The following CNTLN variants were observed in gnomAD, a reference collection of about 807,000 sequenced individuals.
CNTLN encodes the protein centlein, centrosomal protein.
A neutral mutation model predicts 180.0 loss-of-function variants in CNTLN; 212 were observed. The ratio of observed to expected loss-of-function variants is 1.18; its 90% CI spans 1.05 to 1.32. The LOEUF (loss-of-function observed/expected upper bound fraction) is 1.32, where lower values mean the gene tolerates loss of function less well. CNTLN is among the 40% of genes most tolerant of loss of function. CNTLN has a pLI of 0.00. For missense variants in CNTLN, 2,095 were observed against 1,610.9 expected (o/e 1.30, Z -5.14); for synonymous variants, 722 against 563.1 (o/e 1.28, Z -3.99).
intron 6 of CNTLN, among the ~76,000 whole-genome samples, chr9:17,278,362 C>G (rs1828449882): frequency 6.6e-6 from 1 of 152,000 alleles, no homozygotes; most frequent in Non-Finnish European, 1.5e-5. Flanking sequence ...CTTATTTTTT[C>G]TTTGGTATGT....
At chr9:17,340,566 G>T (rs1779861254) in intron 10 of CNTLN, among the ~76,000 whole-genome samples, 3 of 152,134 alleles carry the variant, frequency 2.0e-5, no homozygotes, top group Non-Finnish European at 4.4e-5. Context: ...AACAGGGAAA[G>T]GAGTGAAACT....
intron 18 of CNTLN, among the ~76,000 whole-genome samples, chr9:17,435,955 T>A (rs1004816587): frequency 3.3e-5 from 5 of 152,128 alleles, no homozygotes; most frequent in African/African-American, 1.2e-4. Context: ...TATTTCCAGA[T>A]CTTTATATTA....
At chr9:17,486,553 G>A (rs886426696) in intron 24 of CNTLN, among the ~76,000 whole-genome samples, 11 of 152,168 alleles carry the variant, frequency 7.2e-5, no homozygotes, top group African/African-American at 2.6e-4. Context: ...CCGGAGTCAT[G>A]CCATGTTCTA....
intron 25 of CNTLN, among the ~76,000 whole-genome samples, chr9:17,489,401 AT>A (rs902558561): frequency 9.2e-5 from 14 of 151,960 alleles, no homozygotes; most frequent in Non-Finnish European, 2.1e-4. Flanking sequence ...TCCAATGTTG[AT>A]TTTTTTATTC....
At chr9:17,434,225 A>G (rs1009010200) in intron 18 of CNTLN, among the ~76,000 whole-genome samples, 1 of 151,612 alleles carries the variant, frequency 6.6e-6, no homozygotes, top group Admixed American at 6.6e-5. Flanking sequence ...TTGTTTTTCT[A>G]TTGTCAGTTT....
intron 12 of CNTLN, among the ~76,000 whole-genome samples, chr9:17,345,465 T>G (rs1821805176): frequency 6.6e-6 from 1 of 152,026 alleles, no homozygotes; most frequent in Admixed American, 6.6e-5. Flanking sequence ...TTCATATGGG[T>G]TACTTAAGCT....
intron 12 of CNTLN, among the ~76,000 whole-genome samples, chr9:17,351,751 C>G (rs969980757): frequency 6.6e-6 from 1 of 152,192 alleles, no homozygotes; most frequent in East Asian, 1.9e-4. Context: ...CTATTTTCAA[C>G]AGTGCTGCAG....
intron 7 of CNTLN, chr9:17,301,586 T>A (rs530824504): frequency 1.0e-6 from 1 of 984,796 alleles, no homozygotes; most frequent in African/African-American, 1.7e-5. Context: ...ATACTTAAGT[T>A]GATTCTCACT....
At chr9:17,443,852 A>C (rs193072169) in intron 18 of CNTLN, among the ~76,000 whole-genome samples, 1 of 152,292 alleles carries the variant, frequency 6.6e-6, no homozygotes, top group African/African-American at 2.4e-5. Flanking sequence ...GGAGATCCAA[A>C]AGAACTGTAC....
intron 8 of CNTLN, among the ~76,000 whole-genome samples, chr9:17,326,730 T>C (rs1386653892): frequency 6.6e-6 from 1 of 152,038 alleles, no homozygotes. Context: ...GTGATGAAAA[T>C]GGCACTTTAC....
intron 8 of CNTLN, among the ~76,000 whole-genome samples, chr9:17,319,677 T>C (rs1819773640): frequency 6.6e-6 from 1 of 152,212 alleles, no homozygotes; most frequent in Admixed American, 6.5e-5. Flanking sequence ...TAATAGTACT[T>C]ACCTCATTAG....
intron 5 of CNTLN, among the ~76,000 whole-genome samples, chr9:17,270,650 C>G (rs1296914409): frequency 1.3e-5 from 2 of 152,056 alleles, no homozygotes; most frequent in African/African-American, 4.8e-5. Context: ...TAATGTTTCT[C>G]ACAAGATGGG....
At chr9:17,175,224 G>T (rs963821357) in intron 2 of CNTLN, among the ~76,000 whole-genome samples, 1 of 152,094 alleles carries the variant, frequency 6.6e-6, no homozygotes, top group Non-Finnish European at 1.5e-5. Flanking sequence ...TAGCTCTAGA[G>T]ACCAAAGATT....
chr9:17,318,600 G>T (rs1819692657), intron 8 of CNTLN, among the ~76,000 whole-genome samples: 1 of 152,098 alleles, frequency 6.6e-6, no homozygotes, highest in Non-Finnish European at 1.5e-5. Flanking sequence ...CTAACCACCT[G>T]GACAAATGAA....
chr9:17,384,169 A>G (rs1224412936), intron 13 of CNTLN, among the ~76,000 whole-genome samples: 1 of 152,084 alleles, frequency 6.6e-6, no homozygotes, highest in Non-Finnish European at 1.5e-5. Flanking sequence ...AGCATGTTCA[A>G]ATTCCCCTGA....
chr9:17,245,864 G>T (rs895511804), intron 5 of CNTLN, among the ~76,000 whole-genome samples: 1 of 151,776 alleles, frequency 6.6e-6, no homozygotes, highest in African/African-American at 2.4e-5. Context: ...ACATTTTTCA[G>T]TTCCAGAATT....
intron 18 of CNTLN, among the ~76,000 whole-genome samples, chr9:17,441,767 T>TA (rs1448705481): frequency 6.6e-6 from 1 of 151,978 alleles, no homozygotes; most frequent in East Asian, 1.9e-4. Context: ...CCGAATGGAT[T>TA]AAAAAAACAG....
At chr9:17,371,395 G>C (rs1427706625) in intron 13 of CNTLN, among the ~76,000 whole-genome samples, 1 of 152,074 alleles carries the variant, frequency 6.6e-6, no homozygotes, top group Non-Finnish European at 1.5e-5. Flanking sequence ...AATGATAAAG[G>C]TGTCAATTTA....
intron 12 of CNTLN, among the ~76,000 whole-genome samples, chr9:17,357,940 T>A (rs1297474086): frequency 6.6e-6 from 1 of 151,910 alleles, no homozygotes; most frequent in Admixed American, 6.6e-5. Flanking sequence ...TGTAGATTAG[T>A]TGCTTCTTAA....
Sources: gnomAD v4.1 joint callset for allele counts (sites outside exome capture counted in the v4.1 genomes callset) on GRCh38, gnomAD v4.1.1 for gene constraint, MANE v1.5 for transcripts, NCBI Gene and HGNC (gene_info 2026-07-23, HGNC 2026-07-21) for gene names.